Variants in FAM169A observed in about 807,000 individuals in gnomAD.
FAM169A encodes the protein soluble lamin-associated protein of 75 kDa.
In FAM169A, 24 loss-of-function variants were observed where a neutral mutation model predicts 75.7. The observed-to-expected ratio is 0.32, with a 90% confidence interval of 0.23 to 0.45. FAM169A has a LOEUF of 0.45. Ranked by LOEUF, FAM169A falls within the 20% of genes least tolerant of loss-of-function variation. The pLI, the probability that FAM169A is intolerant of heterozygous loss-of-function variation, is 1.00. For missense variants in FAM169A, 673 were observed against 784.0 expected, an observed-to-expected ratio of 0.86 and a Z score of 1.69; for synonymous variants, 271 against 271.0, an observed-to-expected ratio of 1.00 and a Z score of 0.00.
chr5:74,802,397 G>A (rs1746635581), intron 8 of FAM169A, among the ~76,000 whole-genome samples: 2 of 150,766 alleles, frequency 1.3e-5, no homozygotes, highest in South Asian at 4.2e-4. Context: ...AAAAAAAAAA[G>A]AGGAAAAAAC....
chr5:74,837,485 G>A (rs1315339818), intron 4 of FAM169A, among the ~76,000 whole-genome samples: 1 of 152,128 alleles, frequency 6.6e-6, no homozygotes, highest in Non-Finnish European at 1.5e-5. Flanking sequence ...ATAATACTAA[G>A]TGCATTATTC....
At position 74,777,656 on chromosome 5, in the gene FAM169A, T is replaced by C. The variant is rs1375129780; in HGVS notation, c.*3804A>G. On this transcript the variant is annotated 3_prime_UTR_variant, in exon 13 of 13. Coordinates refer to ENST00000687041, the MANE Select transcript of FAM169A (RefSeq NM_001376049.1). ...GTGATTAATTGTGCCTTTAACAAAGTCATTCAATGTCTAAACAAATTCAGT... is the reference window on the plus strand; with the variant it reads ...GTGATTAATTGTGCCTTTAACAAAGCCATTCAATGTCTAAACAAATTCAGT... 6.6e-6 allele frequency: 1 copy of C among 151,998 alleles called. No homozygotes were observed. The highest frequency in any genetic ancestry group is 1.5e-5 in the Non-Finnish European group (1 of 67,896). 9.4% of individuals were successfully genotyped at this position (151,998 alleles called of 1,614,324 possible).
chr5:74,847,958 C>CTT (rs1477863927), intron 1 of FAM169A, among the ~76,000 whole-genome samples: 3 of 152,046 alleles, frequency 2.0e-5, no homozygotes, highest in South Asian at 4.1e-4. Flanking sequence ...GGAGAAACCC[C>CTT]TTAGTTAAAT....
intron 12 of FAM169A, 110 bp from the exon 13 acceptor site, chr5:74,782,118 T>C (rs1417208158): frequency 1.6e-5 from 13 of 799,188 alleles, no homozygotes; most frequent in Non-Finnish European, 1.8e-5. Context: ...TCGGTATTCA[T>C]TACTCAAAAT....
At chr5:74,815,192 T>C (rs1397309657) in intron 5 of FAM169A, among the ~76,000 whole-genome samples, 2 of 123,042 alleles carry the variant, frequency 1.6e-5, no homozygotes, top group Non-Finnish European at 3.1e-5. Context: ...TTTTTTTCTT[T>C]TTTCTTTTTT....
intron 12 of FAM169A, 105 bp downstream of exon 12, chr5:74,782,826 A>T: frequency 1.5e-6 from 1 of 680,724 alleles, no homozygotes; most frequent in Non-Finnish European, 2.5e-6. Context: ...TTCCTAAAGC[A>T]CTGTACATGT....
chr5:74,831,728 T>C (rs1316069263), intron 5 of FAM169A, among the ~76,000 whole-genome samples: 3 of 152,184 alleles, frequency 2.0e-5, no homozygotes, highest in African/African-American at 7.2e-5. Flanking sequence ...TTCTTATGAA[T>C]CCTTTCACTG....
At chr5:74,838,530 T>C (rs976175294) in intron 4 of FAM169A, among the ~76,000 whole-genome samples, 1 of 152,142 alleles carries the variant, frequency 6.6e-6, no homozygotes, top group African/African-American at 2.4e-5. Flanking sequence ...CCTGCCGAGG[T>C]TGGAAGCTTG....
At chr5:74,827,354 C>A (rs1468835694) in intron 5 of FAM169A, among the ~76,000 whole-genome samples, 3 of 152,080 alleles carry the variant, frequency 2.0e-5, no homozygotes, top group African/African-American at 7.2e-5. Context: ...TTACACTGCT[C>A]CTTCTTCTCC....
intron 6 of FAM169A, among the ~76,000 whole-genome samples, chr5:74,810,501 C>T (rs1173703820): frequency 6.6e-6 from 1 of 151,892 alleles, no homozygotes; most frequent in Non-Finnish European, 1.5e-5. Context: ...TGTAATCCTA[C>T]CACTTTGGGA....
rs769448266 is a variant in FAM169A at position 74,796,084 on chromosome 5, A to T, written c.1206T>A (p.Asp402Glu). 14 of 1,613,958 alleles carry T rather than the reference A, an allele frequency of 8.7e-6. No homozygotes were observed. In the Admixed American group the frequency reaches 2.3e-4, roughly 27 times the overall value. Residue 402 changes from aspartate to glutamate, a missense_variant, in exon 11 of 13, where the codon GAT becomes GAA. By Grantham distance (45) the Asp-to-Glu change is conservative. Around this residue, in one of 3 missense-constraint regions of FAM169A, gnomAD observed 510 missense variants for 550.9 expected, o/e 0.93. Transcript: ENST00000687041. The part of the protein sequence containing the change: ...IEFEDESSDR[D>E]ARPALETQPQ... Reference sequence around the variant, plus strand: ...GCTGGGTTTCCAGTGCTGGCCGTGCATCTCTATCACTGCTTTCATCCTCAA... The same window carrying T: ...GCTGGGTTTCCAGTGCTGGCCGTGCTTCTCTATCACTGCTTTCATCCTCAA...
intron 1 of FAM169A, among the ~76,000 whole-genome samples, chr5:74,863,268 G>A (rs571173812): frequency 3.3e-5 from 5 of 152,096 alleles, no homozygotes; most frequent in African/African-American, 1.2e-4. Flanking sequence ...TCTACCTTAA[G>A]TGATTTTCTT....
intron 1 of FAM169A, among the ~76,000 whole-genome samples, chr5:74,843,001 T>C (rs1344091893): frequency 6.7e-6 from 1 of 149,878 alleles, no homozygotes; most frequent in East Asian, 2.0e-4. Context: ...AAATAGGACA[T>C]AAAATTAGCA....
chr5:74,834,605 G>A lies in FAM169A; in HGVS notation c.319-8C>T. ...CTCCCCAAGAGTGCTCACCTACAAAGAGAGTCAAACACCAGGCACAGCAGT... is the reference window on the plus strand; with the variant it reads ...CTCCCCAAGAGTGCTCACCTACAAAAAGAGTCAAACACCAGGCACAGCAGT... On this transcript the variant is annotated splice_region_variant and splice_polypyrimidine_tract_variant and intron_variant, in intron 4 of 12. Transcript: ENST00000687041. 1 of 1,521,088 alleles carries A rather than the reference G, an allele frequency of 6.6e-7. No individual in the cohort carries two copies. 94.2% of individuals were successfully genotyped at this position (1,521,088 alleles called of 1,614,324 possible). A position where few individuals can be genotyped will look rare whatever the true frequency, so the allele number is the denominator to read the frequency against.
chr5:74,856,925 C>T (rs888653301), intron 1 of FAM169A, among the ~76,000 whole-genome samples: 21 of 151,000 alleles, frequency 1.4e-4, no homozygotes, highest in African/African-American at 3.7e-4. Context: ...CTGACTAACA[C>T]GGTGAAACCC....
At chr5:74,799,937 C>A in intron 10 of FAM169A, 1 of 839,762 alleles carries the variant, frequency 1.2e-6, no homozygotes, top group Non-Finnish European at 2.1e-6. Context: ...CTGAGGGCTC[C>A]AACATGGCTT....
chr5:74,859,388 C>G (rs1749918774), intron 1 of FAM169A, among the ~76,000 whole-genome samples: 1 of 138,740 alleles, frequency 7.2e-6, no homozygotes, highest in East Asian at 2.3e-4. Flanking sequence ...CTCCTGGATT[C>G]AAGCAATTCT....
chr5:74,794,430 A>C (rs1237242266), intron 11 of FAM169A, among the ~76,000 whole-genome samples: 2 of 147,956 alleles, frequency 1.4e-5, no homozygotes, highest in East Asian at 4.1e-4. Flanking sequence ...TAAACATAAA[A>C]ATATCATTTC....
intron 11 of FAM169A, among the ~76,000 whole-genome samples, chr5:74,786,764 CA>C: frequency 6.6e-6 from 1 of 152,302 alleles, no homozygotes; most frequent in East Asian, 1.9e-4. Flanking sequence ...AAATCAGACA[CA>C]ACCTCTTATC....
Sources: allele counts gnomAD v4.1 joint callset (sites outside exome capture counted in the v4.1 genomes callset), GRCh38; gene constraint gnomAD v4.1.1; regional missense constraint gnomAD v4.1.1; transcripts MANE v1.5; gene names NCBI Gene and HGNC (gene_info 2026-07-23, HGNC 2026-07-21).